SHLD1: variants seen among roughly 807,000 people sequenced by gnomAD.
SHLD1 encodes the protein shieldin complex subunit 1, also known as RINN1-REV7-interacting novel NHEJ regulator 3.
A neutral mutation model predicts 5.5 loss-of-function variants in SHLD1; 3 were observed. The observed-to-expected ratio is 0.54, with a 90% CI of 0.25 to 1.40. The LOEUF is 1.40. SHLD1 is among the 40% of genes most tolerant of loss of function. SHLD1 has a pLI of 0.15. For missense variants in SHLD1, 210 were observed against 244.4 expected, an observed-to-expected ratio of 0.86 and a Z score of 0.94; for synonymous variants, 92 against 94.3, an observed-to-expected ratio of 0.98 and a Z score of 0.14.
chr20:5,817,432 C>CTCTCTCTCTCTCTGTGTG (rs1473391202), intron 2 of SHLD1, among the ~76,000 whole-genome samples: 4 of 85,666 alleles, frequency 4.7e-5, no homozygotes, highest in African/African-American at 5.6e-5. Context: ...CTCTCTCTCT[C>CTCTCTCTCTCTCTGTGTG]TGTGTGTGTG....
intron 2 of SHLD1, among the ~76,000 whole-genome samples, chr20:5,793,258 A>G (rs1463533702): frequency 1.3e-5 from 2 of 151,906 alleles, no homozygotes; most frequent in Non-Finnish European, 2.9e-5. Flanking sequence ...GGAGGTCTGT[A>G]TGTATTCTTT....
chr20:5,792,823 G>A (rs564206009), intron 2 of SHLD1, among the ~76,000 whole-genome samples: 20 of 151,424 alleles, frequency 1.3e-4, no homozygotes, highest in East Asian at 7.8e-4. Context: ...ACAGGCGTGC[G>A]CCAATATGCC....
chr20:5,816,449 G>T (rs1050321249), intron 2 of SHLD1, among the ~76,000 whole-genome samples: 14 of 152,154 alleles, frequency 9.2e-5, no homozygotes, highest in Admixed American at 9.2e-4. Flanking sequence ...ATAAATTTGG[G>T]TGCATGAGAG....
rs537333912 is a variant in SHLD1, at chr20:5,761,757, G to A, written c.-4-11105G>A. Among the ~76,000 whole-genome samples the A allele has an allele frequency of 4.0e-5, 6 of 151,356 alleles. No individual in the cohort carries two copies. The East Asian group carries it at 5.9e-4, about 15-fold the overall frequency. On this transcript the variant is annotated intron_variant, in intron 1 of 2. Transcript: ENST00000303142. ...CAAGTAGCTGGGATTACAGGTGCAC[G>A]CCACCGCGCCCAGCTAATTTTTGTA...
At chr20:5,809,326 TTAAA>T (rs1055323424) in intron 2 of SHLD1, among the ~76,000 whole-genome samples, 32 of 152,244 alleles carry the variant, frequency 2.1e-4, no homozygotes, top group African/African-American at 4.8e-4. Flanking sequence ...ATGGCTCTCC[TTAAA>T]TAGACTCTTA....
At chr20:5,814,451 AT>A (rs1320975235) in intron 2 of SHLD1, among the ~76,000 whole-genome samples, 1 of 152,082 alleles carries the variant, frequency 6.6e-6, no homozygotes, top group East Asian at 1.9e-4. Flanking sequence ...ATATCTGTAT[AT>A]TTTTTGTTAA....
At chr20:5,794,673 T>G (rs1036508942) in intron 2 of SHLD1, among the ~76,000 whole-genome samples, 1 of 152,230 alleles carries the variant, frequency 6.6e-6, no homozygotes, top group Non-Finnish European at 1.5e-5. Flanking sequence ...GGTGTTCCTA[T>G]GTTGTATTCT....
chr20:5,771,990 T>C (rs1440228019), intron 1 of SHLD1: 1 of 436,690 alleles, frequency 2.3e-6, no homozygotes, highest in South Asian at 1.6e-5. Flanking sequence ...TTCTCTTGCC[T>C]CTGACTCCCA....
At chr20:5,758,903 G>T (rs1027667064) in intron 1 of SHLD1, among the ~76,000 whole-genome samples, 1 of 150,876 alleles carries the variant, frequency 6.6e-6, no homozygotes. Flanking sequence ...GCTATGAGGA[G>T]AGCAGATGTC....
chr20:5,759,640 C>T (rs1362769466), intron 1 of SHLD1, among the ~76,000 whole-genome samples: 1 of 151,934 alleles, frequency 6.6e-6, no homozygotes, highest in Non-Finnish European at 1.5e-5. Context: ...CTCAAGTGAT[C>T]CTCCCACCTC....
At chr20:5,758,681 A>G (rs935232901) in intron 1 of SHLD1, among the ~76,000 whole-genome samples, 10 of 152,012 alleles carry the variant, frequency 6.6e-5, no homozygotes, top group Non-Finnish European at 1.5e-4. Context: ...AGCCTCCCAA[A>G]GTGCTGGGAT....
intron 2 of SHLD1, among the ~76,000 whole-genome samples, chr20:5,857,366 C>T (rs79803301): frequency 0.012 from 1,813 of 152,222 alleles, 38 homozygotes; most frequent in African/African-American, 0.041. Flanking sequence ...TCCAACAGAC[C>T]AACCAAGGAA....
At chr20:5,853,982 G>A (rs1252685675) in intron 2 of SHLD1, among the ~76,000 whole-genome samples, 8 of 151,654 alleles carry the variant, frequency 5.3e-5, no homozygotes, top group Admixed American at 1.3e-4. Flanking sequence ...TGGGACTATA[G>A]GCATTCACTG....
At chr20:5,846,437 G>T (rs2087933656) in intron 2 of SHLD1, among the ~76,000 whole-genome samples, 1 of 152,140 alleles carries the variant, frequency 6.6e-6, no homozygotes, top group Non-Finnish European at 1.5e-5. Context: ...GTAAACAGTC[G>T]TAATCAAAAT....
chr20:5,775,517 C>G (rs754326415), intron 2 of SHLD1, among the ~76,000 whole-genome samples: 2 of 152,138 alleles, frequency 1.3e-5, no homozygotes, highest in Non-Finnish European at 2.9e-5. Flanking sequence ...AAATAAGGAG[C>G]ATGTTGAAAT....
intron 1 of SHLD1, among the ~76,000 whole-genome samples, chr20:5,767,082 G>A (rs1248183750): frequency 1.3e-5 from 2 of 151,988 alleles, no homozygotes; most frequent in Non-Finnish European, 2.9e-5. Flanking sequence ...GTCTCTCCTT[G>A]TTGACTCTCA....
intron 2 of SHLD1, among the ~76,000 whole-genome samples, chr20:5,779,981 T>TTG (rs1555770927): frequency 2.1e-5 from 3 of 141,836 alleles, no homozygotes; most frequent in African/African-American, 8.0e-5. Flanking sequence ...TGTTTTTTTT[T>TTG]TTTTTTTTTT....
intron 2 of SHLD1, among the ~76,000 whole-genome samples, chr20:5,814,654 CTTTTTTT>C (rs148119460): frequency 1.9e-5 from 2 of 103,810 alleles, no homozygotes; most frequent in African/African-American, 3.8e-5. Context: ...TTTTCTTCTT[CTTTTTTT>C]TTTTTTTTTT....
At chr20:5,813,225 C>A (rs992361121) in intron 2 of SHLD1, among the ~76,000 whole-genome samples, 1 of 151,856 alleles carries the variant, frequency 6.6e-6, no homozygotes, top group Non-Finnish European at 1.5e-5. Flanking sequence ...CTGTGGCTCA[C>A]GTCTGTAATC....
Sources: gnomAD v4.1 joint callset for allele counts (sites outside exome capture counted in the v4.1 genomes callset) on GRCh38, gnomAD v4.1.1 for gene constraint, MANE v1.5 for transcripts, NCBI Gene and HGNC (gene_info 2026-07-23, HGNC 2026-07-21) for gene names.